The following ATP10B variants were observed in gnomAD, a reference collection of about 807,000 sequenced individuals.
ATP10B encodes phospholipid-transporting ATPase VB.
Under a neutral mutation model 141.2 loss-of-function variants are expected in ATP10B, and 122 were observed. That is an observed-to-expected ratio of 0.86 (90% CI 0.75 to 1.00). ATP10B has a LOEUF of 1.00. Ranked by LOEUF, ATP10B falls within the 50% of genes least tolerant of loss-of-function variation. The probability of loss-of-function intolerance (pLI) is 0.00; values close to 1 mark genes in which losing one functional copy is unlikely to be tolerated. For synonymous variants in ATP10B, 685 were observed against 692.0 expected (o/e 0.99, Z 0.16); for missense variants, 1,876 against 1,825.3 (o/e 1.03, Z -0.51).
intron 24 of ATP10B, among the ~76,000 whole-genome samples, chr5:160,576,829 C>A (rs1259052173): frequency 6.6e-6 from 1 of 152,112 alleles, no homozygotes. Flanking sequence ...CCAGCAGGAC[C>A]CAGATATTAC....
At chr5:160,704,827 C>A (rs1016205666) in intron 3 of ATP10B, among the ~76,000 whole-genome samples, 1 of 151,806 alleles carries the variant, frequency 6.6e-6, no homozygotes, top group Admixed American at 6.6e-5. Context: ...CGTCACCTTG[C>A]AGTCTCGCAG....
intron 1 of ATP10B, among the ~76,000 whole-genome samples, chr5:160,802,946 G>A (rs948491435): frequency 1.3e-5 from 2 of 152,110 alleles, no homozygotes; most frequent in Non-Finnish European, 2.9e-5. Context: ...ATAATTGGGG[G>A]ACAACATAAG....
chr5:160,565,349 T>A lies in ATP10B; in HGVS notation c.*104A>T. The A allele has an allele frequency of 1.7e-6, 2 of 1,208,990 alleles. No homozygotes were observed. Among genetic ancestry groups the A allele is most frequent in the Admixed American group, 4.2e-5 (2 of 47,146 alleles). The allele number at this position is 1,208,990 out of a possible 1,614,324, so 74.9% of individuals were successfully genotyped here. A position where few individuals can be genotyped will look rare whatever the true frequency, so the allele number is the denominator to read the frequency against. On this transcript the variant is annotated 3_prime_UTR_variant, in exon 26 of 26. Coordinates refer to ENST00000327245, the MANE Select transcript of ATP10B (RefSeq NM_025153.3). ...AAGTCAAGGTTGTTGAAGAAAAGAA[T>A]AAGACTGGCACATTGTTTCCTCTAT...
At chr5:160,708,980 C>A (rs1481921530) in intron 3 of ATP10B, among the ~76,000 whole-genome samples, 1 of 151,734 alleles carries the variant, frequency 6.6e-6, no homozygotes, top group Non-Finnish European at 1.5e-5. Context: ...TGTAGATATG[C>A]GAGCTAGTTA....
rs1758269788 is a variant in ATP10B at position 160,620,566 on chromosome 5, C to A, written c.2197G>T (p.Ala733Ser). 7.4e-6 allele frequency: 12 copies of A among 1,613,766 alleles called. No homozygotes were observed. The highest frequency in any genetic ancestry group is 1.0e-5 in the Non-Finnish European group (12 of 1,179,816). ...CGGGACACTAGTGTGAAGCTGTAGG[C>A]ATGGGCAGCGTGCACCAGGGCGGCC... ...DEAALVHAAH[A>S]YSFTLVSRTP... The change falls in exon 15 of 26, where the codon GCC becomes TCC. Residue 733 changes from alanine (A) to serine (S), a missense_variant. Coordinates refer to ENST00000327245, the MANE Select transcript of ATP10B (RefSeq NM_025153.3).
the ATP10B span, among the ~76,000 whole-genome samples, chr5:160,918,845 C>T: frequency 6.6e-6 from 1 of 152,256 alleles, no homozygotes; most frequent in African/African-American, 2.4e-5. Context: ...GGAGGCACAA[C>T]TTAAGTGAAA....
At chr5:160,656,872 T>G (rs1010939550) in intron 7 of ATP10B, among the ~76,000 whole-genome samples, 50 of 152,260 alleles carry the variant, frequency 3.3e-4, no homozygotes, top group African/African-American at 1.2e-3. Context: ...TAGAAATCAT[T>G]TATGTATTTA....
chr5:160,825,766 C>T (rs1774552061), intron 1 of ATP10B, among the ~76,000 whole-genome samples: 1 of 152,022 alleles, frequency 6.6e-6, no homozygotes, highest in African/African-American at 2.4e-5. Context: ...AGCATAGTAC[C>T]CAATAGGTTG....
chr5:160,761,390 G>T (rs1315267221), intron 2 of ATP10B, among the ~76,000 whole-genome samples: 2 of 26,630 alleles, frequency 7.5e-5, no homozygotes, highest in Non-Finnish European at 1.3e-4. Flanking sequence ...GTAGACATTC[G>T]CCAGCACCAG....
chr5:160,895,417 A>G, the ATP10B span, among the ~76,000 whole-genome samples: 1 of 152,206 alleles, frequency 6.6e-6, no homozygotes, highest in Non-Finnish European at 1.5e-5. Flanking sequence ...TCTCTGATAA[A>G]ACAGACTTTA....
chr5:160,586,992 T>C (rs995840175), intron 24 of ATP10B, among the ~76,000 whole-genome samples: 1 of 152,188 alleles, frequency 6.6e-6, no homozygotes, highest in Non-Finnish European at 1.5e-5. Context: ...TTGTTGCAAT[T>C]GCTTTTGGTG....
At chr5:160,820,691 T>C (rs1774034900) in intron 1 of ATP10B, among the ~76,000 whole-genome samples, 1 of 152,032 alleles carries the variant, frequency 6.6e-6, no homozygotes, top group Non-Finnish European at 1.5e-5. Context: ...AGATCATTCA[T>C]CATGACCAAG....
chr5:160,714,719 TTC>T (rs1765484915), intron 3 of ATP10B, among the ~76,000 whole-genome samples: 1 of 110,654 alleles, frequency 9.0e-6, no homozygotes, highest in South Asian at 3.9e-4. Context: ...AGTTTTTCTG[TTC>T]TGTTTTTTCC....
chr5:160,881,665 ATCC>A, the ATP10B span, among the ~76,000 whole-genome samples: 5 of 151,990 alleles, frequency 3.3e-5, no homozygotes, highest in African/African-American at 1.2e-4. Context: ...ATAAAAAATT[ATCC>A]GGGCGTGGGG....
At chr5:160,915,156 A>T in the ATP10B span, among the ~76,000 whole-genome samples, 2 of 152,204 alleles carry the variant, frequency 1.3e-5, no homozygotes, top group African/African-American at 2.4e-5. Context: ...ATATTAAATT[A>T]TGCCTTTAAA....
At chr5:160,733,422 T>G (rs1335576727) in intron 2 of ATP10B, among the ~76,000 whole-genome samples, 2 of 152,072 alleles carry the variant, frequency 1.3e-5, no homozygotes, top group Non-Finnish European at 1.5e-5. Flanking sequence ...CTTCCCAAAT[T>G]TGACAAAAGA....
At chr5:160,846,458 C>T (rs1208256898) in intron 1 of ATP10B, among the ~76,000 whole-genome samples, 1 of 152,164 alleles carries the variant, frequency 6.6e-6, no homozygotes, top group Non-Finnish European at 1.5e-5. Flanking sequence ...AAAGACCAAT[C>T]CCATTATTTT....
At chr5:160,878,065 A>T in the ATP10B span, among the ~76,000 whole-genome samples, 1 of 148,896 alleles carries the variant, frequency 6.7e-6, no homozygotes, top group Non-Finnish European at 1.5e-5. Flanking sequence ...AAAAGAGCCC[A>T]CATTGCCAAG....
the ATP10B span, among the ~76,000 whole-genome samples, chr5:160,876,844 G>A: frequency 6.7e-6 from 1 of 148,884 alleles, no homozygotes; most frequent in African/African-American, 2.5e-5. Flanking sequence ...GGAAGAAGTT[G>A]AATCTCTGAA....
Sources: allele counts gnomAD v4.1 joint callset (sites outside exome capture counted in the v4.1 genomes callset), GRCh38; gene constraint gnomAD v4.1.1; transcripts MANE v1.5; gene names NCBI Gene and HGNC (gene_info 2026-07-23, HGNC 2026-07-21).